The following CCP110 variants were observed in gnomAD, a reference collection of about 807,000 sequenced individuals.
CCP110 encodes centriolar coiled-coil protein 110.
CCP110 carries 43 observed loss-of-function variants against 105.5 expected under a neutral mutation model. That is an observed-to-expected ratio of 0.41 (90% CI 0.32 to 0.53). The LOEUF is 0.53. Ranked by LOEUF, CCP110 falls within the 20% of genes least tolerant of loss-of-function variation. The pLI, the probability that CCP110 is intolerant of heterozygous loss-of-function variation, is 0.32. For synonymous variants in CCP110, 353 were observed against 392.1 expected, an observed-to-expected ratio of 0.90 and a Z score of 1.18; for missense variants, 1,016 against 1,189.1, an observed-to-expected ratio of 0.85 and a Z score of 2.14.
At chr16:19,543,419 C>T (rs893081420) in intron 8 of CCP110, among the ~76,000 whole-genome samples, 2 of 152,110 alleles carry the variant, frequency 1.3e-5, no homozygotes, top group Non-Finnish European at 2.9e-5. Context: ...TGTAGGTCAC[C>T]TCAGGACCAC....
At chr16:19,532,570 A>T (rs772299632) in intron 3 of CCP110, 26 bp downstream of exon 3, 1 of 1,549,304 alleles carries the variant, frequency 6.5e-7, no homozygotes, top group Admixed American at 2.3e-5. Context: ...TGTTTCAGTT[A>T]TAATAAAGAA....
intron 3 of CCP110, among the ~76,000 whole-genome samples, chr16:19,534,976 ATTC>A (rs1250960203): frequency 1.4e-5 from 2 of 144,376 alleles, no homozygotes; most frequent in Non-Finnish European, 3.0e-5. Context: ...CGCCTCCCAG[ATTC>A]ATGCCATTCT....
chr16:19,548,452 T>C lies in CCP110; in HGVS notation c.2901-63T>C. 9.3e-7 allele frequency: 1 copy of C among 1,074,950 alleles called. No homozygotes were observed. The highest frequency in any genetic ancestry group is 2.6e-5 in the Admixed American group (1 of 39,012). 66.6% of individuals were successfully genotyped at this position (1,074,950 alleles called of 1,614,324 possible). On this transcript the variant is annotated intron_variant, in intron 13 of 14. Transcript: ENST00000381396. The surrounding 1 kb of genome is among the most constrained non-coding windows in gnomAD (Gnocchi z 4.1). ...CAGTTGATGCAATGTGATTGCTTTC[T>C]TTGAATTTTGAACATTTAGACCTTA...
chr16:19,542,956 C>A, exon 8 of CCP110: 1 of 1,610,488 alleles, frequency 6.2e-7, no homozygotes, highest in African/African-American at 1.3e-5. Context: ...TAGACTTATG[C>A]AGACAGATAA....
At chr16:19,534,654 G>C (rs905858002) in intron 3 of CCP110, among the ~76,000 whole-genome samples, 9 of 151,806 alleles carry the variant, frequency 5.9e-5, no homozygotes, top group Non-Finnish European at 1.0e-4. Context: ...TTGTACTCTT[G>C]TACTGTTGAT....
chr16:19,532,404 G>A lies in CCP110; in HGVS notation c.142-12G>A, dbSNP rs766701545. ...TCGTGGGAAATAATTACATTTTTATGATGTTTTGCAGCTTAACATTGAGAA... is the reference window on the plus strand; with the variant it reads ...TCGTGGGAAATAATTACATTTTTATAATGTTTTGCAGCTTAACATTGAGAA... On this transcript the variant is annotated splice_polypyrimidine_tract_variant and intron_variant, in intron 2 of 14. Transcript: ENST00000381396. 1 of 1,566,658 alleles carries A rather than the reference G, an allele frequency of 6.4e-7. No individual in the cohort carries two copies. Among genetic ancestry groups the A allele is most frequent in the East Asian group, 2.3e-5 (1 of 44,340 alleles).
chr16:19,537,519 C>T, exon 4 of CCP110: 1 of 1,602,374 alleles, frequency 6.2e-7, no homozygotes, highest in Non-Finnish European at 8.5e-7. Context: ...CAACATTTGC[C>T]AGAAAAAAGA....
chr16:19,539,961 TCAG>T (rs1970219974), intron 4 of CCP110, among the ~76,000 whole-genome samples: 1 of 151,794 alleles, frequency 6.6e-6, no homozygotes, highest in Admixed American at 6.6e-5. Flanking sequence ...TTGTATTTTT[TCAG>T]TAGAGATTCG....
intron 10 of CCP110, 48 bp from the exon 11 acceptor site, chr16:19,545,769 G>T: frequency 1.1e-6 from 1 of 904,264 alleles, no homozygotes; most frequent in Non-Finnish European, 1.9e-6. Flanking sequence ...TAATATAGTG[G>T]TATTAATTGG....
At chr16:19,532,826 A>C (rs985003624) in intron 3 of CCP110, among the ~76,000 whole-genome samples, 6 of 152,208 alleles carry the variant, frequency 3.9e-5, no homozygotes, top group Non-Finnish European at 8.8e-5. Context: ...AAAACATTGA[A>C]TTCTCAGTGA....
At chr16:19,542,062 C>T in exon 6 of CCP110, 3 of 1,554,920 alleles carry the variant, frequency 1.9e-6, no homozygotes, top group East Asian at 2.3e-5. Context: ...TCAAATAGTT[C>T]TGGTAAATAT....
At chr16:19,549,347 A>G (rs1219818224) in intron 14 of CCP110, among the ~76,000 whole-genome samples, 2 of 152,252 alleles carry the variant, frequency 1.3e-5, no homozygotes, top group Non-Finnish European at 2.9e-5. Flanking sequence ...ATCACCAGGC[A>G]TTGAAGATTA....
Position 19,532,383 on chromosome 16 carries a change from G to A in CCP110, c.142-33G>A, listed in dbSNP as rs776295503. On this transcript the variant is annotated intron_variant, in intron 2 of 14. Coordinates refer to ENST00000381396, the Ensembl canonical transcript of CCP110. Reference sequence around the variant, plus strand: ...CCCGATTTTATGATATTTTTATCGTGGGAAATAATTACATTTTTATGATGT... The same window carrying A: ...CCCGATTTTATGATATTTTTATCGTAGGAAATAATTACATTTTTATGATGT... 5.8e-6 allele frequency: 9 copies of A among 1,539,422 alleles called. No individual in the cohort carries two copies. The Admixed American group carries it at 1.8e-4, about 30-fold the overall frequency.
chr16:19,544,690 G>A (rs1970401372), intron 8 of CCP110, 107 bp from the exon 9 acceptor site: 5 of 675,672 alleles, frequency 7.4e-6, no homozygotes, highest in Non-Finnish European at 1.3e-5. Flanking sequence ...CACAGATACT[G>A]ACGAAAGACT....
At chr16:19,545,101 C>G (rs1424387169) in exon 10 of CCP110, 1 of 1,593,660 alleles carries the variant, frequency 6.3e-7, no homozygotes, top group Admixed American at 1.7e-5. Flanking sequence ...TAGTTGCGAG[C>G]TGCCTTGTAC....
chr16:19,532,552 AT>A lies in CCP110; in HGVS notation c.270+12del. On this transcript the variant is annotated intron_variant, in intron 3 of 14. Coordinates refer to ENST00000381396, the Ensembl canonical transcript of CCP110. ...ATTCTTGACAATGTTCAGGTGTGTG[AT>A]TTTAGCTGTTTCAGTTATAATAAAG... The A allele has an allele frequency of 6.3e-7, 1 of 1,575,646 alleles. No homozygotes were observed. Among genetic ancestry groups the A allele is most frequent in the East Asian group, 2.3e-5 (1 of 44,368 alleles).
At chr16:19,531,110 A>G (rs761097235) in intron 2 of CCP110, among the ~76,000 whole-genome samples, 21 of 152,364 alleles carry the variant, frequency 1.4e-4, no homozygotes, top group Middle Eastern at 6.8e-3. Context: ...AGTAAATTGT[A>G]TAATCATTCT....
intron 9 of CCP110, 36 bp downstream of exon 9, chr16:19,544,934 G>A (rs1043279985): frequency 5.4e-5 from 61 of 1,131,406 alleles, no homozygotes; most frequent in Non-Finnish European, 7.6e-5. Context: ...TTAAGACATG[G>A]ACATATTATA....
intron 9 of CCP110, 73 bp from the exon 10 acceptor site, chr16:19,545,021 C>A: frequency 2.0e-6 from 2 of 986,914 alleles, no homozygotes; most frequent in Non-Finnish European, 3.1e-6. Flanking sequence ...AATAAGTGTA[C>A]ATGGTATATA....
Sources: gnomAD v4.1 joint callset for allele counts (sites outside exome capture counted in the v4.1 genomes callset) on GRCh38, gnomAD v4.1.1 for gene constraint, Gnocchi (gnomAD v3.1) non-coding constraint, MANE v1.5 for transcripts, NCBI Gene and HGNC (gene_info 2026-07-23, HGNC 2026-07-21) for gene names.